PRKACB: variants seen among roughly 807,000 people sequenced by gnomAD.
PRKACB encodes the protein protein kinase cAMP-activated catalytic subunit beta.
PRKACB carries 16 observed loss-of-function variants against 51.4 expected under a neutral mutation model. That is an observed-to-expected ratio of 0.31 (90% CI 0.21 to 0.47). PRKACB has a LOEUF of 0.47. Among genes scored for constraint, PRKACB ranks in the 20% least tolerant of loss-of-function variants. PRKACB has a pLI of 1.00. For missense variants in PRKACB, 309 were observed against 464.5 expected (o/e 0.67, Z 3.08); for synonymous variants, 147 against 154.4 (o/e 0.95, Z 0.35).
intron 1 of PRKACB, among the ~76,000 whole-genome samples, chr1:84,133,638 T>C (rs1323227240): frequency 6.6e-6 from 1 of 152,168 alleles, no homozygotes; most frequent in Non-Finnish European, 1.5e-5. Flanking sequence ...TTTACTCGGC[T>C]TCACTCGCTC....
At position 84,082,281 on chromosome 1, in the gene PRKACB, G is replaced by C. The variant is rs551383804; in HGVS notation, c.46+3910G>C. ...TATCCAATAGAATAGCCGATGCTAAGACACACAGAATAGCTTAGACAATTA... is the reference window on the plus strand; with the variant it reads ...TATCCAATAGAATAGCCGATGCTAACACACACAGAATAGCTTAGACAATTA... On this transcript the variant is annotated intron_variant, in intron 1 of 8. Transcript: ENST00000370688. 5.4e-4 allele frequency among the ~76,000 whole-genome samples: 82 copies of C among 152,236 alleles called. 1 individual carries two copies. In the South Asian group the frequency reaches 0.016, roughly 30 times the overall value.
Position 84,132,221 on chromosome 1 carries a change from T to C in PRKACB, c.47-46956T>C, listed in dbSNP as rs1392120976. Among the ~76,000 whole-genome samples, 3 of 152,298 alleles carry C rather than the reference T, an allele frequency of 2.0e-5. No individual in the cohort carries two copies. In the East Asian group the frequency reaches 5.8e-4, roughly 29 times the overall value. On this transcript the variant is annotated intron_variant, in intron 1 of 8. Transcript: ENST00000370688. Reference sequence around the variant, plus strand: ...TTTCATTCCCCATACCTTACTACCATACCAACAGAGCTCTGGTATAATAAC... The same window carrying C: ...TTTCATTCCCCATACCTTACTACCACACCAACAGAGCTCTGGTATAATAAC...
intron 1 of PRKACB, chr1:84,173,391 T>C (rs1660176327): frequency 1.3e-6 from 2 of 1,498,950 alleles, no homozygotes; most frequent in Non-Finnish European, 1.8e-6. Context: ...ATTCTGTTAC[T>C]TTGATTATCG....
intron 1 of PRKACB, among the ~76,000 whole-genome samples, chr1:84,107,306 C>G (rs553152980): frequency 5.9e-5 from 9 of 152,156 alleles, no homozygotes; most frequent in African/African-American, 2.2e-4. Flanking sequence ...AAACTGGACC[C>G]CTTCCTTATA....
intron 1 of PRKACB, chr1:84,078,479 G>A: frequency 7.6e-7 from 1 of 1,322,348 alleles, no homozygotes; most frequent in South Asian, 1.4e-5. Context: ...AGGCCTAGCA[G>A]CGGCCGCCGG....
Position 84,173,434 on chromosome 1 carries a change from A to G in PRKACB, c.188-5743A>G, listed in dbSNP as rs1660193914. 6 of 1,202,184 alleles carry G rather than the reference A, an allele frequency of 5.0e-6. 1 individual carries two copies. The highest frequency in any genetic ancestry group is 2.7e-5 in the South Asian group (2 of 72,756). 74.5% of individuals were successfully genotyped at this position (1,202,184 alleles called of 1,614,324 possible). A position where few individuals can be genotyped will look rare whatever the true frequency, so the allele number is the denominator to read the frequency against. Reference sequence around the variant, plus strand: ...AATTTTTATGAGATATTTTGTGGCAATTAGAATATTTTGTGTTGAGTTTTT... The same window carrying G: ...AATTTTTATGAGATATTTTGTGGCAGTTAGAATATTTTGTGTTGAGTTTTT... On this transcript the variant is annotated intron_variant, in intron 1 of 9. Transcript: ENST00000370685.
intron 9 of PRKACB, among the ~76,000 whole-genome samples, chr1:84,220,847 G>GT (rs1673591710): frequency 6.6e-6 from 1 of 152,072 alleles, no homozygotes; most frequent in African/African-American, 2.4e-5. Flanking sequence ...GTTAGCTAGT[G>GT]TTTTGTTAAA....
chr1:84,085,208 A>G (rs1647869077), intron 1 of PRKACB, among the ~76,000 whole-genome samples: 1 of 152,222 alleles, frequency 6.6e-6, no homozygotes, highest in Non-Finnish European at 1.5e-5. Flanking sequence ...AGGATAGTGG[A>G]AAGAACATGT....
intron 7 of PRKACB, 109 bp from the exon 8 acceptor site, chr1:84,202,574 G>T: frequency 8.4e-7 from 1 of 1,183,690 alleles, no homozygotes; most frequent in South Asian, 2.0e-5. Context: ...CTCAGCAATT[G>T]CTTTAAAAAA....
At chr1:84,118,198 C>G (rs1046056305) in intron 1 of PRKACB, among the ~76,000 whole-genome samples, 1 of 152,140 alleles carries the variant, frequency 6.6e-6, no homozygotes, top group African/African-American at 2.4e-5. Context: ...AGGCTCCCAC[C>G]CAATCTTGAC....
chr1:84,224,372 A>G (rs1674231558), intron 9 of PRKACB, among the ~76,000 whole-genome samples: 1 of 152,218 alleles, frequency 6.6e-6, no homozygotes, highest in Admixed American at 6.5e-5. Flanking sequence ...CCTGTGCAGC[A>G]TGTGTGGCAT....
intron 2 of PRKACB, among the ~76,000 whole-genome samples, chr1:84,180,723 A>G (rs934458466): frequency 2.0e-5 from 3 of 152,226 alleles, no homozygotes; most frequent in East Asian, 3.9e-4. Flanking sequence ...GATTTAGAGT[A>G]TGACCTATAA....
upstream of PRKACB, among the ~76,000 whole-genome samples, chr1:84,141,569 C>T (rs1164215199): frequency 1.3e-5 from 2 of 151,914 alleles, no homozygotes; most frequent in Non-Finnish European, 2.9e-5. Flanking sequence ...ATTTAAAATA[C>T]GGTGTTTTCA....
intron 1 of PRKACB, among the ~76,000 whole-genome samples, chr1:84,120,942 A>G (rs1257323550): frequency 6.6e-6 from 1 of 152,226 alleles, no homozygotes; most frequent in African/African-American, 2.4e-5. Flanking sequence ...ATGAGCTACA[A>G]GATTTCAAGA....
At chr1:84,092,618 A>G (rs1648570689) in intron 1 of PRKACB, among the ~76,000 whole-genome samples, 1 of 152,168 alleles carries the variant, frequency 6.6e-6, no homozygotes, top group Admixed American at 6.5e-5. Flanking sequence ...TGTTGAATTA[A>G]TTGCTGGATT....
chr1:84,160,896 A>G (rs1656102460), intron 1 of PRKACB, among the ~76,000 whole-genome samples: 1 of 151,766 alleles, frequency 6.6e-6, no homozygotes, highest in South Asian at 2.1e-4. Context: ...ATTTTCTAGC[A>G]TTTGCTTAAT....
In PRKACB at chr1:84,215,142, A is replaced by T. The variant is rs115208535; in HGVS notation, c.1071+825A>T. ...TTGAAAGCTAATTTGAACATAATTC[A>T]TACAAATTAGGGGTTTTAATTCATG... On this transcript the variant is annotated intron_variant, in intron 9 of 9. Coordinates refer to ENST00000370685, the MANE Select transcript of PRKACB (RefSeq NM_182948.4). Among the ~76,000 whole-genome samples the T allele has an allele frequency of 6.5e-3, 987 of 152,358 alleles. 10 individuals carry two copies. Among genetic ancestry groups the T allele is most frequent in the Non-Finnish European group, 0.011 (726 of 68,038 alleles).
chr1:84,212,949 A>G (rs1037454020), intron 8 of PRKACB, among the ~76,000 whole-genome samples: 1 of 152,178 alleles, frequency 6.6e-6, no homozygotes, highest in African/African-American at 2.4e-5. Context: ...AGTTGAATAA[A>G]TAAATGTATT....
At chr1:84,191,963 C>T (rs1572263168) in intron 5 of PRKACB, among the ~76,000 whole-genome samples, 1 of 152,196 alleles carries the variant, frequency 6.6e-6, no homozygotes, top group African/African-American at 2.4e-5. Flanking sequence ...TTCTAGACAA[C>T]TATGTCAGAT....
Sources: allele counts gnomAD v4.1 joint callset (sites outside exome capture counted in the v4.1 genomes callset), GRCh38; gene constraint gnomAD v4.1.1; transcripts MANE v1.5; gene names NCBI Gene and HGNC (gene_info 2026-07-23, HGNC 2026-07-21).